Variants in STPG1 observed in about 807,000 individuals in gnomAD.
The protein encoded by STPG1 is sperm tail PG-rich repeat containing 1, also known as O(6)-methylguanine-induced apoptosis 2.
STPG1 carries 33 observed loss-of-function variants against 40.1 expected under a neutral mutation model. The observed-to-expected ratio is 0.82, with a 90% CI of 0.62 to 1.10. The LOEUF (loss-of-function observed/expected upper bound fraction) is 1.10. Ranked by LOEUF, STPG1 falls within the 50% of genes least tolerant of loss-of-function variation. STPG1 has a pLI of 0.00. For missense variants in STPG1, 396 were observed against 415.1 expected (o/e 0.95, Z 0.40); for synonymous variants, 150 against 155.0 (o/e 0.97, Z 0.24).
chr1:24,378,190 A>C (rs577726330), intron 5 of STPG1, among the ~76,000 whole-genome samples: 4 of 152,300 alleles, frequency 2.6e-5, no homozygotes, highest in Non-Finnish European at 5.9e-5. Context: ...TTAAAGACTC[A>C]CTACAAGGAA....
intron 7 of STPG1, chr1:24,364,569 C>A: frequency 1.1e-6 from 1 of 931,710 alleles, no homozygotes; most frequent in Non-Finnish European, 1.4e-6. Context: ...TAGCCCTATC[C>A]CGGGAACATT....
intron 6 of STPG1, among the ~76,000 whole-genome samples, chr1:24,370,317 CTT>C (rs10679997): frequency 1.6e-4 from 22 of 137,016 alleles, no homozygotes; most frequent in Admixed American, 1.5e-4. Context: ...CAACAACTAT[CTT>C]TTTTTTTTTT....
chr1:24,364,307 A>C (rs1348616682), intron 7 of STPG1: 12 of 1,549,758 alleles, frequency 7.7e-6, no homozygotes, highest in Non-Finnish European at 8.7e-6. Flanking sequence ...AGGCAGAGGG[A>C]CCTGGATTCA....
intron 4 of STPG1, among the ~76,000 whole-genome samples, chr1:24,382,786 T>TAA (rs536991802): frequency 4.2e-4 from 62 of 148,616 alleles, no homozygotes; most frequent in African/African-American, 1.4e-3. Flanking sequence ...TTTGTGTGGT[T>TAA]AAAAAAAAAA....
At chr1:24,410,138 T>C (rs144214208) in intron 1 of STPG1, among the ~76,000 whole-genome samples, 17 of 152,310 alleles carry the variant, frequency 1.1e-4, no homozygotes, top group African/African-American at 3.6e-4. Context: ...GTGGAAGATA[T>C]GAACAGAAAC....
chr1:24,401,311 A>T lies in STPG1; in HGVS notation c.70+8T>A. 1.9e-6 allele frequency: 3 copies of T among 1,613,834 alleles called. No individual in the cohort carries two copies. Among genetic ancestry groups the T allele is most frequent in the Non-Finnish European group, 2.5e-6 (3 of 1,179,762 alleles). On this transcript the variant is annotated splice_region_variant and intron_variant, in intron 2 of 8. Transcript: ENST00000337248. ...GGAGCTATCTCCTCCCTGCAAAGAC[A>T]CATGTACCTTTCTGTACTTCACTGG...
chr1:24,383,172 C>T (rs1036629122), intron 4 of STPG1, among the ~76,000 whole-genome samples: 1 of 152,114 alleles, frequency 6.6e-6, no homozygotes. Context: ...ATTGGCCTTC[C>T]GAAATGCTGG....
chr1:24,364,240 G>C, intron 7 of STPG1: 1 of 1,547,766 alleles, frequency 6.5e-7, no homozygotes, highest in Non-Finnish European at 8.7e-7. Context: ...TGACTGTCTT[G>C]AATGTTCCCA....
At chr1:24,375,369 G>A (rs1641973309) in intron 5 of STPG1, among the ~76,000 whole-genome samples, 2 of 152,126 alleles carry the variant, frequency 1.3e-5, no homozygotes, top group Non-Finnish European at 2.9e-5. Context: ...TTGATTTGCT[G>A]TGATACTCCT....
At chr1:24,411,561 C>G (rs1331696120) in intron 1 of STPG1, 1 of 152,260 alleles carries the variant, frequency 6.6e-6, no homozygotes, top group East Asian at 1.9e-4. Context: ...CCCACCTCAG[C>G]CTCCAGAGTA....
chr1:24,393,925 G>A (rs59006638), intron 2 of STPG1, among the ~76,000 whole-genome samples: 1,602 of 152,264 alleles, frequency 0.011, 40 homozygotes, highest in African/African-American at 0.037. Context: ...ATGGAGCCCC[G>A]TGGTCTTCCT....
intron 7 of STPG1, among the ~76,000 whole-genome samples, chr1:24,361,466 A>T (rs1641111333): frequency 6.6e-6 from 1 of 152,134 alleles, no homozygotes; most frequent in African/African-American, 2.4e-5. Flanking sequence ...TATGGACTCA[A>T]TGGGAAGAGG....
chr1:24,407,045 T>C (rs1004634387), intron 1 of STPG1, among the ~76,000 whole-genome samples: 7 of 152,200 alleles, frequency 4.6e-5, no homozygotes, highest in Admixed American at 3.9e-4. Context: ...TCCTACAATA[T>C]GGTGTTTCCT....
chr1:24,364,540 T>G, intron 7 of STPG1: 1 of 1,221,870 alleles, frequency 8.2e-7, no homozygotes, highest in East Asian at 3.0e-5. Flanking sequence ...TATTGTGTCT[T>G]CCTCAGCTTT....
At chr1:24,374,250 T>G (rs975446179) in intron 5 of STPG1, among the ~76,000 whole-genome samples, 12 of 90,492 alleles carry the variant, frequency 1.3e-4, no homozygotes, top group African/African-American at 6.9e-4. Context: ...AAGTGTTTTT[T>G]TTTTTTGTTT....
At chr1:24,363,276 C>A (rs906238247) in intron 7 of STPG1, among the ~76,000 whole-genome samples, 1 of 152,182 alleles carries the variant, frequency 6.6e-6, no homozygotes, top group African/African-American at 2.4e-5. Context: ...CTTCAGTATG[C>A]CCAGGAGAGG....
At chr1:24,379,862 A>C (rs755595406) in intron 4 of STPG1, 39 bp from the exon 5 acceptor site, 13 of 1,595,296 alleles carry the variant, frequency 8.1e-6, no homozygotes, top group Non-Finnish European at 1.0e-5. Flanking sequence ...ATTGTCACAT[A>C]ATATTGTGGA....
intron 2 of STPG1, 120 bp downstream of exon 2, chr1:24,401,199 T>C: frequency 2.7e-6 from 2 of 740,262 alleles, no homozygotes; most frequent in African/African-American, 1.7e-5. Flanking sequence ...CTATTTGGTA[T>C]GCCTGTAAGG....
intron 3 of STPG1, among the ~76,000 whole-genome samples, chr1:24,389,100 A>G (rs1642637830): frequency 6.6e-6 from 1 of 152,160 alleles, no homozygotes; most frequent in African/African-American, 2.4e-5. Context: ...TTGGAACCCA[A>G]TCTCTGAGCA....
Sources: allele counts gnomAD v4.1 joint callset (sites outside exome capture counted in the v4.1 genomes callset), GRCh38; gene constraint gnomAD v4.1.1; transcripts MANE v1.5; gene names NCBI Gene and HGNC (gene_info 2026-07-23, HGNC 2026-07-21).